SYTL3: variants seen among roughly 807,000 people sequenced by gnomAD.
SYTL3 encodes synaptotagmin like 3, also known as synaptotagmin-like protein 3.
SYTL3 carries 88 observed loss-of-function variants against 82.1 expected under a neutral mutation model. The ratio of observed to expected loss-of-function variants is 1.07; its 90% confidence interval spans 0.90 to 1.28. The LOEUF is 1.28. SYTL3 is among the 50% of genes most tolerant of loss of function. SYTL3 has a pLI of 0.00. For synonymous variants in SYTL3, 311 were observed against 289.4 expected (o/e 1.07, Z -0.76); for missense variants, 831 against 757.6 (o/e 1.10, Z -1.14).
chr6:158,734,956 C>T (rs1002892511), intron 11 of SYTL3, among the ~76,000 whole-genome samples: 4 of 152,320 alleles, frequency 2.6e-5, no homozygotes, highest in South Asian at 2.1e-4. Flanking sequence ...GAGTTTAAAG[C>T]GACTTGCTGA....
At chr6:158,699,343 G>A (rs961496603) in intron 6 of SYTL3, among the ~76,000 whole-genome samples, 1 of 152,196 alleles carries the variant, frequency 6.6e-6, no homozygotes, top group African/African-American at 2.4e-5. Flanking sequence ...ATGGTTGGGG[G>A]TTAGCGTCCT....
intron 17 of SYTL3, 82 bp downstream of exon 17, chr6:158,763,591 G>C: frequency 7.9e-7 from 1 of 1,259,240 alleles, no homozygotes. Context: ...GCTTCCACCA[G>C]GGCAGTGACT....
chr6:158,747,551 G>A (rs1387471469), intron 12 of SYTL3, among the ~76,000 whole-genome samples: 1 of 152,164 alleles, frequency 6.6e-6, no homozygotes, highest in Non-Finnish European at 1.5e-5. Context: ...GCAGGCTCAA[G>A]CCATCTCCCT....
chr6:158,745,649 A>G lies in SYTL3; in HGVS notation c.1025A>G (p.Lys342Arg). Residue 342 changes from lysine (K) to arginine (R), a missense_variant, in exon 12 of 18, where the codon AAG becomes AGG. By Grantham distance (26) the Lys-to-Arg change is conservative (BLOSUM62 2). Transcript: ENST00000611299. ...NLAYGEEKKK[K>R]CNPYVKTYLL... ...GCCTATGGAGAAGAAAAGAAGAAAA[A>G]GTGCAATCCGTAAGTTGTTTTTTTT... is the stretch of plus-strand genomic sequence containing the variant. 1 of 1,596,766 alleles carries G rather than the reference A, an allele frequency of 6.3e-7. No homozygotes were observed. The highest frequency in any genetic ancestry group is 8.5e-7 in the Non-Finnish European group (1 of 1,174,242).
At chr6:158,683,106 G>A (rs1393810129) in intron 6 of SYTL3, 117 bp downstream of exon 6, 4 of 667,716 alleles carry the variant, frequency 6.0e-6, no homozygotes, top group Non-Finnish European at 1.1e-5. Flanking sequence ...GGGCCCCTAT[G>A]TCTTGCCATT....
chr6:158,730,514 G>A (rs935240510), intron 11 of SYTL3, among the ~76,000 whole-genome samples: 2 of 152,188 alleles, frequency 1.3e-5, no homozygotes, highest in Non-Finnish European at 2.9e-5. Flanking sequence ...CTCCAGGGGC[G>A]GTCTCTAGTC....
chr6:158,682,886 C>T (rs1373491525), intron 5 of SYTL3, 39 bp from the exon 6 acceptor site: 1 of 1,527,464 alleles, frequency 6.5e-7, no homozygotes, highest in Non-Finnish European at 9.1e-7. Context: ...CTATTCATAT[C>T]TTCTCTCTCT....
In SYTL3 at chr6:158,706,001, C is replaced by T. The variant is rs189588793; in HGVS notation, c.395-1229C>T. Among the ~76,000 whole-genome samples, 22 of 152,278 alleles carry T rather than the reference C, an allele frequency of 1.4e-4. 2 individuals carry two copies. In the South Asian group the frequency reaches 3.7e-3, roughly 26 times the overall value. On this transcript the variant is annotated intron_variant, in intron 6 of 17. Transcript: ENST00000611299. The stretch of plus-strand genomic sequence containing the variant: ...GACCTGGATGTTTTCTCTCAGGGGG[C>T]TCCTGCAGGTGCTAGCTTTGGTCCC...
intron 2 of SYTL3, among the ~76,000 whole-genome samples, chr6:158,660,840 G>A (rs931786329): frequency 6.6e-6 from 1 of 152,184 alleles, no homozygotes; most frequent in Admixed American, 6.5e-5. Context: ...GCTGAGACAG[G>A]AGGACTGCTT....
intron 6 of SYTL3, among the ~76,000 whole-genome samples, chr6:158,702,003 TACTCTGTC>T (rs1402431220): frequency 2.0e-5 from 3 of 151,944 alleles, no homozygotes; most frequent in Non-Finnish European, 4.4e-5. Flanking sequence ...GACAGGGTTT[TACTCTGTC>T]ACTCAGGCTG....
intron 6 of SYTL3, among the ~76,000 whole-genome samples, chr6:158,694,533 G>T (rs549234983): frequency 0.016 from 2,446 of 152,212 alleles, 63 homozygotes; most frequent in African/African-American, 0.057. Flanking sequence ...GGGCTCAAGT[G>T]ATCTGCCCAC....
chr6:158,653,173 A>G (rs778546202), intron 2 of SYTL3, among the ~76,000 whole-genome samples: 3 of 152,186 alleles, frequency 2.0e-5, no homozygotes, highest in Non-Finnish European at 4.4e-5. Context: ...TTCTTTATTC[A>G]TCACCTTCCT....
At chr6:158,701,484 G>C (rs951892863) in intron 6 of SYTL3, among the ~76,000 whole-genome samples, 1 of 143,400 alleles carries the variant, frequency 7.0e-6, no homozygotes, top group African/African-American at 2.6e-5. Context: ...CTGTCTGGGG[G>C]GAGGAGCCAT....
chr6:158,708,915 C>A (rs1782434044), intron 8 of SYTL3, among the ~76,000 whole-genome samples: 1 of 152,062 alleles, frequency 6.6e-6, no homozygotes, highest in African/African-American at 2.4e-5. Context: ...AGGTTATGTC[C>A]CAATACGCCC....
intron 12 of SYTL3, among the ~76,000 whole-genome samples, chr6:158,746,915 A>G (rs1396239708): frequency 1.3e-5 from 2 of 152,048 alleles, no homozygotes; most frequent in Non-Finnish European, 2.9e-5. Context: ...CAGCCTCCCA[A>G]AATGCTGAGA....
rs748251374 is a variant in SYTL3 at position 158,663,366 on chromosome 6, A to AG, written c.100dup (p.Glu34GlyfsTer89). The AG allele has an allele frequency of 1.2e-6, 2 of 1,613,356 alleles. No individual in the cohort carries two copies. Among genetic ancestry groups the AG allele is most frequent in the South Asian group, 1.1e-5 (1 of 91,028 alleles). The stretch of plus-strand genomic sequence containing the variant: ...GACCAGGCGGTTCAAAACACAGAGG[A>AG]GGAGAGGACACGGTAGGCTGCCCTT... On this transcript the variant is annotated frameshift_variant, in exon 4 of 18. Coordinates refer to ENST00000611299, the MANE Select transcript of SYTL3 (RefSeq NM_001242394.2). LOFTEE classifies it high-confidence loss of function.
intron 5 of SYTL3, among the ~76,000 whole-genome samples, chr6:158,672,310 G>A (rs1662044472): frequency 6.6e-6 from 1 of 152,112 alleles, no homozygotes; most frequent in African/African-American, 2.4e-5. Flanking sequence ...TTTTCCCCAG[G>A]AGAGGACTGT....
intron 5 of SYTL3, among the ~76,000 whole-genome samples, chr6:158,679,968 G>A (rs887945928): frequency 3.9e-5 from 6 of 152,198 alleles, no homozygotes; most frequent in African/African-American, 1.4e-4. Flanking sequence ...TGGGCCCAGT[G>A]GTAACGGGCT....
chr6:158,666,521 C>T (rs993247276), intron 5 of SYTL3, among the ~76,000 whole-genome samples: 5 of 152,188 alleles, frequency 3.3e-5, no homozygotes, highest in East Asian at 1.9e-4. Context: ...GGGGTGACTC[C>T]GTCTGCTGGG....
Sources: gnomAD v4.1 joint callset for allele counts (sites outside exome capture counted in the v4.1 genomes callset) on GRCh38, gnomAD v4.1.1 for gene constraint, MANE v1.5 for transcripts, NCBI Gene and HGNC (gene_info 2026-07-23, HGNC 2026-07-21) for gene names.